The following PILRA variants were observed in gnomAD, a reference collection of about 807,000 sequenced individuals.
PILRA encodes paired immunoglobin like type 2 receptor alpha, also known as paired immunoglobulin-like type 2 receptor alpha.
A neutral mutation model predicts 33.1 loss-of-function variants in PILRA; 37 were observed. The ratio of observed to expected loss-of-function variants is 1.12; its 90% CI spans 0.86 to 1.47. The LOEUF (loss-of-function observed/expected upper bound fraction) is 1.47. Ranked by LOEUF, PILRA falls within the 40% of genes most tolerant of loss-of-function variation. The pLI is 0.00. For missense variants in PILRA, 312 were observed against 376.2 expected (o/e 0.83, Z 1.41); for synonymous variants, 146 against 149.9 (o/e 0.97, Z 0.19).
Position 100,373,609 on chromosome 7 carries a change from C to T in PILRA, c.-48C>T. 2 of 1,610,414 alleles carry T rather than the reference C, an allele frequency of 1.2e-6. No individual in the cohort carries two copies. Among genetic ancestry groups the T allele is most frequent in the East Asian group, 2.2e-5 (1 of 44,872 alleles). On this transcript the variant is annotated 5_prime_UTR_variant, in exon 1 of 7. Transcript: ENST00000198536. The stretch of plus-strand genomic sequence containing the variant: ...GCCCCTCCACAGGGCCCCTCTCCTG[C>T]CTGGACGGCTCTGCTGGTCTCCCCG...
chr7:100,374,315 C>A lies in PILRA; in HGVS notation c.336C>A (p.Ile112=). Residue 112 remains isoleucine, a synonymous_variant, in exon 2 of 7, where the codon ATC becomes ATA. Coordinates refer to ENST00000198536, the MANE Select transcript of PILRA (RefSeq NM_013439.3). The part of the protein sequence containing the change: ...TEGQKSGFLR[I]SNLQKQDQSV... ...GTCAGAAGAGCGGCTTCCTCAGGAT[C>A]TCCAACCTGCAGAAGCAGGACCAGT... The A allele has an allele frequency of 6.2e-7, 1 of 1,614,136 alleles. No homozygotes were observed. Among genetic ancestry groups the A allele is most frequent in the Non-Finnish European group, 8.5e-7 (1 of 1,180,016 alleles).
At chr7:100,394,041 G>A (rs537772365) in intron 3 of PILRA, among the ~76,000 whole-genome samples, 2 of 152,184 alleles carry the variant, frequency 1.3e-5, no homozygotes, top group South Asian at 2.1e-4. Context: ...TCAATTTTCT[G>A]TAACTAAGAA....
At chr7:100,373,195 C>T (rs754148732), upstream of PILRA, among the ~76,000 whole-genome samples, 6 of 152,066 alleles carry the variant, frequency 3.9e-5, no homozygotes, top group East Asian at 1.9e-4. Context: ...GAATCTGGGG[C>T]GCAGAAGGAC....
intron 2 of PILRA, among the ~76,000 whole-genome samples, chr7:100,377,235 T>C (rs1333366240): frequency 1.2e-5 from 1 of 86,288 alleles, no homozygotes. Flanking sequence ...CTATTTCTTT[T>C]TTTTTTTTTT....
chr7:100,397,800 C>CTAG (rs1791530490), intron 3 of PILRA, 79 bp from the exon 4 acceptor site: 2 of 1,465,830 alleles, frequency 1.4e-6, no homozygotes, highest in African/African-American at 2.8e-5. Context: ...GGGCCTCAGC[C>CTAG]TAGGGCGCAG....
intron 4 of PILRA, among the ~76,000 whole-genome samples, chr7:100,398,596 A>C: frequency 1.3e-5 from 2 of 151,732 alleles, no homozygotes; most frequent in Non-Finnish European, 1.5e-5. Context: ...CTATCCATTC[A>C]CCCAGCCTGA....
At chr7:100,395,105 TA>T (rs1791468395) in intron 3 of PILRA, among the ~76,000 whole-genome samples, 1 of 152,202 alleles carries the variant, frequency 6.6e-6, no homozygotes, top group Non-Finnish European at 1.5e-5. Context: ...TAAAAATTCC[TA>T]TAATTCAACA....
chr7:100,399,994 A>G lies in PILRA; in HGVS notation c.*87A>G, dbSNP rs1791628992. The G allele has an allele frequency of 7.3e-7, 1 of 1,376,322 alleles. No homozygotes were observed. The highest frequency in any genetic ancestry group is 1.9e-5 in the South Asian group (1 of 53,302). 85.3% of individuals were successfully genotyped at this position (1,376,322 alleles called of 1,614,324 possible). Reference sequence around the variant, plus strand: ...TCCCAGCTACTCTGAAGCCTGAGGCAGAATCAAGTGAGCCCAGGAGTTCAG... The same window carrying G: ...TCCCAGCTACTCTGAAGCCTGAGGCGGAATCAAGTGAGCCCAGGAGTTCAG... On this transcript the variant is annotated 3_prime_UTR_variant, in exon 7 of 7. Coordinates refer to ENST00000198536, the MANE Select transcript of PILRA (RefSeq NM_013439.3).
intron 2 of PILRA, among the ~76,000 whole-genome samples, chr7:100,379,423 T>A (rs1424880700): frequency 6.6e-6 from 1 of 151,926 alleles, no homozygotes; most frequent in East Asian, 1.9e-4. Flanking sequence ...ATCCCAGCAC[T>A]TTGGGAGGCC....
At chr7:100,395,696 C>T (rs906374874) in intron 3 of PILRA, among the ~76,000 whole-genome samples, 1 of 152,040 alleles carries the variant, frequency 6.6e-6, no homozygotes, top group African/African-American at 2.4e-5. Flanking sequence ...CCCAGAAGGA[C>T]AGCTACTATT....
At chr7:100,382,160 G>C (rs918834110) in intron 2 of PILRA, among the ~76,000 whole-genome samples, 8 of 152,252 alleles carry the variant, frequency 5.3e-5, no homozygotes, top group Non-Finnish European at 1.0e-4. Context: ...CCTGCTGCCT[G>C]GTTGGGGATC....
chr7:100,393,489 T>C (rs1052246257), intron 3 of PILRA, among the ~76,000 whole-genome samples: 1 of 152,144 alleles, frequency 6.6e-6, no homozygotes, highest in African/African-American at 2.4e-5. Context: ...GTGTTGTGCA[T>C]GGCTGCATTT....
intron 3 of PILRA, among the ~76,000 whole-genome samples, chr7:100,391,831 C>T (rs1340690804): frequency 6.6e-6 from 1 of 152,130 alleles, no homozygotes; most frequent in Non-Finnish European, 1.5e-5. Context: ...TGGAGGGGAA[C>T]GATGCCTCAT....
At chr7:100,373,320 G>GGGCCCAGCCAGCCAAGGTCA, upstream of PILRA, 2 of 513,990 alleles carry the variant, frequency 3.9e-6, no homozygotes, top group Admixed American at 6.6e-5. Context: ...CAGGTGGGAG[G>GGGCCCAGCCAGCCAAGGTCA]GGCCCAGCCA....
intron 4 of PILRA, 71 bp downstream of exon 4, chr7:100,397,983 G>A: frequency 6.8e-7 from 1 of 1,479,168 alleles, no homozygotes; most frequent in Non-Finnish European, 9.5e-7. Flanking sequence ...TGGGAAACAG[G>A]GAGTGTGCTG....
intron 5 of PILRA, 25 bp downstream of exon 5, chr7:100,399,365 C>G (rs1284307560): frequency 6.3e-7 from 1 of 1,587,946 alleles, no homozygotes; most frequent in South Asian, 1.1e-5. Context: ...CCATCCTTCC[C>G]CAGTTTCTAC....
chr7:100,386,202 C>T (rs975527343), intron 2 of PILRA, among the ~76,000 whole-genome samples: 4 of 152,154 alleles, frequency 2.6e-5, no homozygotes, highest in African/African-American at 4.8e-5. Flanking sequence ...CAAGCCACTG[C>T]GTCTGGCCAT....
chr7:100,396,453 G>GA (rs1252925451), intron 3 of PILRA, among the ~76,000 whole-genome samples: 1 of 152,190 alleles, frequency 6.6e-6, no homozygotes, highest in Non-Finnish European at 1.5e-5. Context: ...AGGAGTTCGA[G>GA]ACCAGCATGA....
At chr7:100,396,283 C>A (rs531823517) in intron 3 of PILRA, among the ~76,000 whole-genome samples, 72 of 152,210 alleles carry the variant, frequency 4.7e-4, no homozygotes, top group Non-Finnish European at 6.9e-4. Context: ...GTGGAAGCAA[C>A]CCAGATGTCC....
Sources: allele counts gnomAD v4.1 joint callset (sites outside exome capture counted in the v4.1 genomes callset), GRCh38; gene constraint gnomAD v4.1.1; transcripts MANE v1.5; gene names NCBI Gene and HGNC (gene_info 2026-07-23, HGNC 2026-07-21).